Variants in MDGA1 observed in about 807,000 individuals in gnomAD.
The protein encoded by MDGA1 is MAM domain containing glycosylphosphatidylinositol anchor 1.
Under a neutral mutation model 101.5 loss-of-function variants are expected in MDGA1, and 54 were observed. The observed-to-expected ratio is 0.53, with a 90% CI of 0.43 to 0.67. The LOEUF (loss-of-function observed/expected upper bound fraction) is 0.67, where lower values mean the gene tolerates loss of function less well. Ranked by LOEUF, MDGA1 falls within the 30% of genes least tolerant of loss-of-function variation. The pLI is 0.00. For synonymous variants in MDGA1, 533 were observed against 558.3 expected (o/e 0.95, Z 0.64); for missense variants, 1,083 against 1,323.8 (o/e 0.82, Z 2.82).
chr6:37,676,774 G>T (rs999322398), intron 1 of MDGA1, among the ~76,000 whole-genome samples: 2 of 152,126 alleles, frequency 1.3e-5, no homozygotes, highest in Non-Finnish European at 2.9e-5. Flanking sequence ...GCTTGTGCCT[G>T]TAATCCCAGC....
chr6:37,656,370 C>T (rs1199933133), intron 3 of MDGA1, among the ~76,000 whole-genome samples: 1 of 146,638 alleles, frequency 6.8e-6, no homozygotes, highest in Non-Finnish European at 1.5e-5. Context: ...GCCACTGCGC[C>T]CGGACTCTTT....
intron 14 of MDGA1, among the ~76,000 whole-genome samples, chr6:37,640,286 A>C (rs562029875): frequency 6.6e-6 from 1 of 152,288 alleles, no homozygotes; most frequent in Non-Finnish European, 1.5e-5. Context: ...CTATCCAGGC[A>C]CTAGCATACA....
chr6:37,633,737 C>T lies in MDGA1; in HGVS notation c.*3631G>A, dbSNP rs1197620399. On this transcript the variant is annotated 3_prime_UTR_variant, in exon 17 of 17. Coordinates refer to ENST00000434837, the MANE Select transcript of MDGA1 (RefSeq NM_153487.4). ...CATCTATAACATCCCCACCGGCACC[C>T]TGGACACAGGACTGTTAGCCAAACT... 6.6e-6 allele frequency: 1 copy of T among 152,372 alleles called. No individual in the cohort carries two copies. Among genetic ancestry groups the T allele is most frequent in the Admixed American group, 6.5e-5 (1 of 15,290 alleles). 9.4% of individuals were successfully genotyped at this position (152,372 alleles called of 1,614,324 possible). A position where few individuals can be genotyped will look rare whatever the true frequency, so the allele number is the denominator to read the frequency against.
intron 3 of MDGA1, among the ~76,000 whole-genome samples, chr6:37,656,636 A>T (rs1761495847): frequency 6.6e-6 from 1 of 152,146 alleles, no homozygotes; most frequent in South Asian, 2.1e-4. Context: ...GCCTCCTGAA[A>T]TGCTGGGATG....
rs1282993540 is a variant in MDGA1 at position 37,632,876 on chromosome 6, T to C, written c.*4492A>G. ...CCTGGGCTGGGGATAAAGGCCTTGG[T>C]GAGCTGGCTACTCTAGGGCAGGAAG... is the stretch of plus-strand genomic sequence containing the variant. On this transcript the variant is annotated 3_prime_UTR_variant, in exon 17 of 17. Coordinates refer to ENST00000434837, the MANE Select transcript of MDGA1 (RefSeq NM_153487.4). The C allele has an allele frequency of 6.6e-6, 1 of 152,628 alleles. No homozygotes were observed. The highest frequency in any genetic ancestry group is 2.4e-5 in the African/African-American group (1 of 41,380). The allele number at this position is 152,628 out of a possible 1,614,324, so 9.5% of individuals were successfully genotyped here. A position where few individuals can be genotyped will look rare whatever the true frequency, so the allele number is the denominator to read the frequency against.
chr6:37,695,752 G>GC (rs991557572), intron 1 of MDGA1, among the ~76,000 whole-genome samples: 2 of 152,194 alleles, frequency 1.3e-5, no homozygotes, highest in East Asian at 3.8e-4. Flanking sequence ...AATCCTGCCC[G>GC]CCCCAGCCAC....
At chr6:37,644,760 C>T (rs192438295) in intron 12 of MDGA1, 111 bp from the exon 13 acceptor site, 629 of 1,181,114 alleles carry the variant, frequency 5.3e-4, no homozygotes, top group Admixed American at 1.2e-3. Context: ...AGCAAGGCAC[C>T]CAGGATTCCG....
intron 3 of MDGA1, 25 bp downstream of exon 3, chr6:37,658,219 CG>C: frequency 6.5e-7 from 1 of 1,543,004 alleles, no homozygotes; most frequent in South Asian, 1.2e-5. Context: ...TGTCAGGGCC[CG>C]GGGAGAGAGG....
At chr6:37,645,358 A>AC (rs1252052476) in intron 12 of MDGA1, among the ~76,000 whole-genome samples, 1 of 152,144 alleles carries the variant, frequency 6.6e-6, no homozygotes, top group African/African-American at 2.4e-5. Context: ...ACATGGTGAA[A>AC]CCCCATCTCT....
Position 37,638,603 on chromosome 6 carries a change from G to A in MDGA1, c.2601C>T (p.Leu867=). ...KGALDTHAWS[L]SGNKGNVWQQ... ...GCCACACATTGCCCTTATTGCCACT[G>A]AGAGACCAGGCGTGCGTGTCCAGAG... Residue 867 remains leucine (L), a synonymous_variant, in exon 15 of 17, where the codon CTC becomes CTT. Transcript: ENST00000434837. The surrounding 1 kb of genome is among the most constrained non-coding windows in gnomAD (Gnocchi z 4.8). The A allele has an allele frequency of 6.2e-7, 1 of 1,614,002 alleles. No individual in the cohort carries two copies. Among genetic ancestry groups the A allele is most frequent in the Non-Finnish European group, 8.5e-7 (1 of 1,179,886 alleles).
intron 2 of MDGA1, among the ~76,000 whole-genome samples, chr6:37,663,184 C>T (rs1286760092): frequency 6.6e-6 from 1 of 152,200 alleles, no homozygotes; most frequent in African/African-American, 2.4e-5. Context: ...AGCCCACCTC[C>T]TCCCTACTTC....
At chr6:37,672,945 C>T (rs187140586) in intron 1 of MDGA1, among the ~76,000 whole-genome samples, 5 of 151,378 alleles carry the variant, frequency 3.3e-5, no homozygotes, top group Admixed American at 1.3e-4. Flanking sequence ...GGTCTCCCCC[C>T]ACCCCCCATC....
intron 1 of MDGA1, among the ~76,000 whole-genome samples, chr6:37,693,307 C>A (rs1762352493): frequency 6.6e-6 from 1 of 152,192 alleles, no homozygotes; most frequent in African/African-American, 2.4e-5. Flanking sequence ...ATTCCTTCTC[C>A]GTGCTCCCCA....
intron 1 of MDGA1, among the ~76,000 whole-genome samples, chr6:37,678,771 T>C (rs1379199849): frequency 6.8e-6 from 1 of 146,272 alleles, no homozygotes; most frequent in Non-Finnish European, 1.5e-5. Context: ...AGGCCTTCCC[T>C]GAACACCCTG....
At chr6:37,684,214 G>C (rs567427736) in intron 1 of MDGA1, among the ~76,000 whole-genome samples, 6 of 152,330 alleles carry the variant, frequency 3.9e-5, no homozygotes, top group African/African-American at 9.6e-5. Context: ...GGAACTTGTA[G>C]GCAGTGTGAC....
intron 1 of MDGA1, among the ~76,000 whole-genome samples, chr6:37,679,833 G>A (rs1355558073): frequency 2.6e-5 from 4 of 152,162 alleles, no homozygotes; most frequent in Non-Finnish European, 5.9e-5. Context: ...TGGGGTAACT[G>A]AGGCACAGTG....
rs967760433 is a variant in MDGA1 at position 37,655,342 on chromosome 6, G to A, written c.579+358C>T. Reference sequence around the variant, plus strand: ...CTCCTGGGACTATCAGGGCCCATGGGAAGAGGAGTCATCTCCTCGCCCCCA... The same window carrying A: ...CTCCTGGGACTATCAGGGCCCATGGAAAGAGGAGTCATCTCCTCGCCCCCA... On this transcript the variant is annotated intron_variant, in intron 4 of 16. Transcript: ENST00000434837. This position sits in a 1 kb window ranked among gnomAD's most constrained non-coding sequence, Gnocchi z 5.1. The A allele has an allele frequency of 3.0e-6, 1 of 336,094 alleles. No individual in the cohort carries two copies. Among genetic ancestry groups the A allele is most frequent in the Non-Finnish European group, 5.4e-6 (1 of 183,948 alleles). 20.8% of individuals were successfully genotyped at this position (336,094 alleles called of 1,614,324 possible). A position where few individuals can be genotyped will look rare whatever the true frequency, so the allele number is the denominator to read the frequency against.
intron 1 of MDGA1, among the ~76,000 whole-genome samples, chr6:37,689,623 C>T (rs956080401): frequency 6.6e-6 from 1 of 152,184 alleles, no homozygotes; most frequent in Non-Finnish European, 1.5e-5. Context: ...TGGGGCAGAG[C>T]TGGGATTCAG....
At chr6:37,658,968 CAAAAA>C (rs34087406) in intron 2 of MDGA1, among the ~76,000 whole-genome samples, 31 of 109,460 alleles carry the variant, frequency 2.8e-4, no homozygotes, top group South Asian at 1.9e-3. Flanking sequence ...AAGACTGTTT[CAAAAA>C]AAAAAAAAAA....
Sources: allele counts gnomAD v4.1 joint callset (sites outside exome capture counted in the v4.1 genomes callset), GRCh38; gene constraint gnomAD v4.1.1; non-coding constraint Gnocchi (gnomAD v3.1); transcripts MANE v1.5; gene names NCBI Gene and HGNC (gene_info 2026-07-23, HGNC 2026-07-21).